Variants in DSCAML1 observed in about 807,000 individuals in gnomAD.
The protein encoded by DSCAML1 is cell adhesion molecule DSCAML1.
Under a neutral mutation model 200.5 loss-of-function variants are expected in DSCAML1, and 38 were observed. The observed-to-expected ratio is 0.19, with a 90% CI of 0.15 to 0.25. DSCAML1 has a LOEUF of 0.25. DSCAML1 is among the 10% of genes least tolerant of loss of function. The probability of loss-of-function intolerance (pLI) is 1.00; values close to 1 mark genes in which losing one functional copy is unlikely to be tolerated. For synonymous variants in DSCAML1, 1,215 were observed against 1,165.0 expected (o/e 1.04, Z -0.87); for missense variants, 2,223 against 2,858.8 (o/e 0.78, Z 5.07).
chr11:117,439,949 G>A lies in DSCAML1; in HGVS notation c.3863-13C>T, dbSNP rs781327987. The A allele has an allele frequency of 3.1e-6, 5 of 1,606,552 alleles. No individual in the cohort carries two copies. Among genetic ancestry groups the A allele is most frequent in the Middle Eastern group, 1.7e-4 (1 of 6,052 alleles). On this transcript the variant is annotated splice_polypyrimidine_tract_variant and intron_variant, in intron 21 of 32. Coordinates refer to ENST00000651296, the MANE Select transcript of DSCAML1 (RefSeq NM_020693.4). ...ATCTTTGCTGGGGCTACAGGGAGGA[G>A]AGGATGAGGGCCACTCCACTTCTAC... is the stretch of plus-strand genomic sequence containing the variant.
intron 3 of DSCAML1, among the ~76,000 whole-genome samples, chr11:117,576,685 C>T (rs996605481): frequency 9.2e-5 from 14 of 152,138 alleles, no homozygotes; most frequent in African/African-American, 3.1e-4. Flanking sequence ...CTGACTGTTT[C>T]CACAAGGGAC....
chr11:117,441,231 A>T (rs148845816), intron 21 of DSCAML1, among the ~76,000 whole-genome samples: 150 of 152,288 alleles, frequency 9.8e-4, no homozygotes, highest in African/African-American at 3.5e-3. Flanking sequence ...GGGCACACTG[A>T]AGGAGGGGCA....
intron 1 of DSCAML1, among the ~76,000 whole-genome samples, chr11:117,815,700 A>G (rs1403895845): frequency 6.6e-6 from 1 of 152,044 alleles, no homozygotes; most frequent in Admixed American, 6.5e-5. Context: ...GCAAGCCCAT[A>G]GGAGCAGGAC....
chr11:117,783,112 C>A (rs572316722), intron 1 of DSCAML1, among the ~76,000 whole-genome samples: 13 of 151,648 alleles, frequency 8.6e-5, no homozygotes, highest in Non-Finnish European at 1.8e-4. Flanking sequence ...CACATACATG[C>A]ACATACACGA....
intron 3 of DSCAML1, among the ~76,000 whole-genome samples, chr11:117,613,789 T>G (rs1012974035): frequency 1.3e-5 from 2 of 152,182 alleles, no homozygotes; most frequent in African/African-American, 4.8e-5. Context: ...AGCTACCTCC[T>G]GCCAGAGCCC....
rs143204450 is a variant in DSCAML1, at chr11:117,526,959, G to T, written c.659-1876C>A. The stretch of plus-strand genomic sequence containing the variant: ...TGGAGACCAGCCCGGGCAACACAGT[G>T]AGATCCCATGTCTACCAAGCAAACA... On this transcript the variant is annotated intron_variant, in intron 4 of 32. Transcript: ENST00000651296. 2.6e-5 allele frequency among the ~76,000 whole-genome samples: 4 copies of T among 152,268 alleles called. No individual in the cohort carries two copies. The East Asian group carries it at 7.7e-4, about 29-fold the overall frequency.
intron 21 of DSCAML1, among the ~76,000 whole-genome samples, chr11:117,440,533 C>T (rs1046306902): frequency 2.0e-5 from 3 of 152,116 alleles, no homozygotes; most frequent in South Asian, 4.1e-4. Flanking sequence ...TCCAAGGGGA[C>T]GGGCAGAAGT....
rs1474370649 is a variant in DSCAML1, at chr11:117,518,444, A to G, written c.1510+22T>C. 1.9e-6 allele frequency: 3 copies of G among 1,614,004 alleles called. No homozygotes were observed. Among genetic ancestry groups the G allele is most frequent in the East Asian group, 2.2e-5 (1 of 44,892 alleles). ...CAAAGGAACTCAAAAACCTATTCTG[A>G]TATTTAAATGTAGACAGGCACCTCT... On this transcript the variant is annotated intron_variant, in intron 7 of 32. Coordinates refer to ENST00000651296, the MANE Select transcript of DSCAML1 (RefSeq NM_020693.4). This position sits in a 1 kb window ranked among gnomAD's most constrained non-coding sequence, Gnocchi z 6.3.
intron 3 of DSCAML1, among the ~76,000 whole-genome samples, chr11:117,634,456 G>A (rs913000013): frequency 3.9e-5 from 6 of 152,136 alleles, no homozygotes; most frequent in South Asian, 2.1e-4. Context: ...CAGCCCTGCC[G>A]AAGGCCCGTC....
intron 3 of DSCAML1, among the ~76,000 whole-genome samples, chr11:117,755,315 C>T (rs1306810334): frequency 6.6e-6 from 1 of 152,138 alleles, no homozygotes; most frequent in Non-Finnish European, 1.5e-5. Flanking sequence ...GGAACTTCCC[C>T]CAAGGAAGGC....
chr11:117,588,319 G>C (rs1487465723), intron 3 of DSCAML1, among the ~76,000 whole-genome samples: 1 of 152,102 alleles, frequency 6.6e-6, no homozygotes, highest in Non-Finnish European at 1.5e-5. Flanking sequence ...CTGGCCTTTC[G>C]CTCTGGGACA....
chr11:117,550,068 C>T (rs1048072870), intron 3 of DSCAML1, among the ~76,000 whole-genome samples: 1 of 152,174 alleles, frequency 6.6e-6, no homozygotes, highest in Admixed American at 6.5e-5. Context: ...TTTCTTGCTA[C>T]CCCTAGCTCA....
At chr11:117,744,748 C>A (rs1287688108) in intron 3 of DSCAML1, among the ~76,000 whole-genome samples, 1 of 152,246 alleles carries the variant, frequency 6.6e-6, no homozygotes, top group Non-Finnish European at 1.5e-5. Flanking sequence ...GACTCTCCAT[C>A]CAGCATGCCT....
upstream of DSCAML1, among the ~76,000 whole-genome samples, chr11:117,798,727 G>T (rs2055626933): frequency 6.6e-6 from 1 of 151,990 alleles, no homozygotes; most frequent in Admixed American, 6.6e-5. Flanking sequence ...TTTGTGCTTG[G>T]CTTACTTCAC....
chr11:117,501,645 G>A (rs751790700), intron 11 of DSCAML1, among the ~76,000 whole-genome samples: 1 of 152,120 alleles, frequency 6.6e-6, no homozygotes, highest in Non-Finnish European at 1.5e-5. Flanking sequence ...TGTGAGAAAC[G>A]GAGGATGTGT....
At chr11:117,723,191 C>T (rs747297667) in intron 3 of DSCAML1, among the ~76,000 whole-genome samples, 1 of 152,224 alleles carries the variant, frequency 6.6e-6, no homozygotes, top group African/African-American at 2.4e-5. Flanking sequence ...TACTACTATA[C>T]TGGTATTTAT....
intron 4 of DSCAML1, among the ~76,000 whole-genome samples, chr11:117,530,602 C>A (rs77798168): frequency 6.6e-6 from 1 of 152,138 alleles, no homozygotes; most frequent in Non-Finnish European, 1.5e-5. Flanking sequence ...CAGGGCCAGG[C>A]GCTGAAGACA....
At chr11:117,456,674 T>TTTA (rs2048376057) in intron 19 of DSCAML1, among the ~76,000 whole-genome samples, 1 of 149,780 alleles carries the variant, frequency 6.7e-6, no homozygotes, top group Non-Finnish European at 1.5e-5. Context: ...GTCATTTCTT[T>TTTA]TTTTTTTTTT....
At chr11:117,428,834 A>C (rs145163396) in intron 32 of DSCAML1, 31 bp from the exon 33 acceptor site, 20,610 of 1,546,842 alleles carry the variant, frequency 0.013, 177 homozygotes, top group Non-Finnish European at 0.016. Flanking sequence ...GATGTTACAG[A>C]GAGTCATAGC....
Sources: allele counts gnomAD v4.1 joint callset (sites outside exome capture counted in the v4.1 genomes callset), GRCh38; gene constraint gnomAD v4.1.1; non-coding constraint Gnocchi (gnomAD v3.1); transcripts MANE v1.5; gene names NCBI Gene and HGNC (gene_info 2026-07-23, HGNC 2026-07-21).